The following SAMD12 variants were observed in gnomAD, a reference collection of about 807,000 sequenced individuals.
SAMD12 encodes sterile alpha motif domain-containing protein 12.
SAMD12 carries 9 observed loss-of-function variants against 15.0 expected under a neutral mutation model. The observed-to-expected ratio is 0.60, with a 90% confidence interval of 0.36 to 1.05. The LOEUF (loss-of-function observed/expected upper bound fraction) is 1.05, where lower values mean the gene tolerates loss of function less well. Ranked by LOEUF, SAMD12 falls within the 50% of genes least tolerant of loss-of-function variation. The pLI, the probability that SAMD12 is intolerant of heterozygous loss-of-function variation, is 0.01. For synonymous variants in SAMD12, 86 were observed against 90.1 expected, an observed-to-expected ratio of 0.96 and a Z score of 0.25; for missense variants, 230 against 234.2, an observed-to-expected ratio of 0.98 and a Z score of 0.12.
intron 4 of SAMD12, among the ~76,000 whole-genome samples, chr8:118,261,718 T>G (rs1013691164): frequency 2.0e-5 from 3 of 151,982 alleles, no homozygotes; most frequent in African/African-American, 7.3e-5. Flanking sequence ...TATAAAGTTT[T>G]TGAAATAGGT....
At chr8:118,521,505 T>G (rs769060866) in intron 2 of SAMD12, among the ~76,000 whole-genome samples, 3 of 152,234 alleles carry the variant, frequency 2.0e-5, no homozygotes, top group Non-Finnish European at 4.4e-5. Flanking sequence ...CGCTTTTACC[T>G]TTCACACTAC....
intron 3 of SAMD12, among the ~76,000 whole-genome samples, chr8:118,403,107 T>C (rs1388559666): frequency 5.9e-5 from 9 of 152,208 alleles, no homozygotes; most frequent in Non-Finnish European, 2.9e-5. Flanking sequence ...TTCACACAAA[T>C]AAGGCATCAC....
chr8:118,323,599 T>TA (rs33979536), intron 4 of SAMD12, among the ~76,000 whole-genome samples: 13 of 149,792 alleles, frequency 8.7e-5, no homozygotes, highest in East Asian at 5.9e-4. Flanking sequence ...ACATCTCTAC[T>TA]AAAAAAAAAA....
intron 4 of SAMD12, among the ~76,000 whole-genome samples, chr8:118,269,656 A>G (rs1364667071): frequency 6.6e-6 from 1 of 152,176 alleles, no homozygotes; most frequent in Admixed American, 6.5e-5. Flanking sequence ...CAATATGGAC[A>G]AGGATGCAAT....
intron 4 of SAMD12, among the ~76,000 whole-genome samples, chr8:118,221,374 T>C (rs1812078195): frequency 1.3e-5 from 2 of 152,098 alleles, no homozygotes; most frequent in Non-Finnish European, 2.9e-5. Flanking sequence ...GAGGGGTCAT[T>C]TCAGCTCAGC....
the SAMD12 span, among the ~76,000 whole-genome samples, chr8:118,135,725 T>C: frequency 6.6e-6 from 1 of 152,100 alleles, no homozygotes. Context: ...TAACTTTTTG[T>C]AGAGACAGGG....
Position 118,193,670 on chromosome 8 carries a change from G to A in SAMD12, c.*4040C>T, listed in dbSNP as rs889656123. The stretch of plus-strand genomic sequence containing the variant: ...GATCAAGCTTAAGAAGAAATATTAG[G>A]ACTGGGGAAAAAGGTAACAAATACA... On this transcript the variant is annotated 3_prime_UTR_variant, in exon 5 of 5. Coordinates refer to the SAMD12 transcript ENST00000409003. The A allele has an allele frequency of 2.6e-5, 4 of 152,102 alleles. 1 individual carries two copies. Among genetic ancestry groups the A allele is most frequent in the African/African-American group, 9.7e-5 (4 of 41,424 alleles). The allele number at this position is 152,102 out of a possible 1,614,324, so 9.4% of individuals were successfully genotyped here. A position where few individuals can be genotyped will look rare whatever the true frequency, so the allele number is the denominator to read the frequency against.
At chr8:118,173,303 G>A in the SAMD12 span, among the ~76,000 whole-genome samples, 4 of 152,002 alleles carry the variant, frequency 2.6e-5, no homozygotes, top group Non-Finnish European at 5.9e-5. Flanking sequence ...GCCTGCCGCT[G>A]TAATGGGCTG....
intron 4 of SAMD12, among the ~76,000 whole-genome samples, chr8:118,301,531 C>T (rs1815025410): frequency 6.6e-6 from 1 of 152,178 alleles, no homozygotes; most frequent in Admixed American, 6.5e-5. Context: ...GCTCTGAAAG[C>T]TGGAGGACTA....
At chr8:118,609,552 C>A (rs941823365) in intron 1 of SAMD12, among the ~76,000 whole-genome samples, 3 of 152,114 alleles carry the variant, frequency 2.0e-5, no homozygotes, top group African/African-American at 4.8e-5. Flanking sequence ...AGTGGAGAGT[C>A]CTGAAGAGTT....
At chr8:118,175,034 C>CAAACAAAAAAAAAAA in the SAMD12 span, among the ~76,000 whole-genome samples, 1 of 78,806 alleles carries the variant, frequency 1.3e-5, no homozygotes, top group Non-Finnish European at 3.0e-5. Flanking sequence ...CAAAAAAAAA[C>CAAACAAAAAAAAAAA]AAAAAAAAAA....
At chr8:118,227,392 G>A (rs1396873895) in intron 4 of SAMD12, among the ~76,000 whole-genome samples, 1 of 151,992 alleles carries the variant, frequency 6.6e-6, no homozygotes, top group African/African-American at 2.4e-5. Context: ...GGAGGGAAAG[G>A]AGCAGAAAAA....
chr8:118,343,792 A>G (rs1817493807), intron 4 of SAMD12, among the ~76,000 whole-genome samples: 1 of 152,200 alleles, frequency 6.6e-6, no homozygotes, highest in South Asian at 2.1e-4. Flanking sequence ...GGACTAGGTC[A>G]GGACTTCCAT....
At chr8:118,133,388 G>T in the SAMD12 span, among the ~76,000 whole-genome samples, 1 of 151,824 alleles carries the variant, frequency 6.6e-6, no homozygotes, top group African/African-American at 2.4e-5. Flanking sequence ...AGGATGTGCA[G>T]GTTTGTTACA....
rs111736393 is a variant in SAMD12, at chr8:118,322,115, A to C, written c.433+57445T>G. Among the ~76,000 whole-genome samples, 628 of 152,190 alleles carry C rather than the reference A, an allele frequency of 4.1e-3. 2 individuals are homozygous for C. Among genetic ancestry groups the C allele is most frequent in the Non-Finnish European group, 6.5e-3 (442 of 67,988 alleles). On this transcript the variant is annotated intron_variant, in intron 4 of 4. Transcript: ENST00000409003. ...ATGCCTTCTCAGAGGTGTCTCTGAA[A>C]TAGGCCTCCCACAATTACTCTTTCC...
intron 4 of SAMD12, among the ~76,000 whole-genome samples, chr8:118,221,672 T>TA (rs1812085337): frequency 6.6e-6 from 1 of 152,124 alleles, no homozygotes; most frequent in Non-Finnish European, 1.5e-5. Flanking sequence ...GGGTTTGGAT[T>TA]TTATCATGCA....
intron 4 of SAMD12, among the ~76,000 whole-genome samples, chr8:118,311,321 C>T (rs992103333): frequency 6.6e-6 from 1 of 152,260 alleles, no homozygotes; most frequent in Non-Finnish European, 1.5e-5. Flanking sequence ...GTGGCCAAAT[C>T]TAACCCACTA....
In SAMD12 at chr8:118,523,116, G is replaced by A. The variant is rs142070028; in HGVS notation, c.192+57599C>T. Among the ~76,000 whole-genome samples, 421 of 152,242 alleles carry A rather than the reference G, an allele frequency of 2.8e-3. 4 individuals are homozygous for A. The highest frequency in any genetic ancestry group is 9.6e-3 in the African/African-American group (399 of 41,548). ...TAGCTGGCCCAGTTGAACCAAAGGC[G>A]TGGCACAACATGTGTGCACTGTGAT... is the stretch of plus-strand genomic sequence containing the variant. On this transcript the variant is annotated intron_variant, in intron 2 of 3. Coordinates refer to ENST00000314727, the MANE Select transcript of SAMD12 (RefSeq NM_207506.3).
chr8:118,609,588 C>T (rs1828059340), intron 1 of SAMD12, among the ~76,000 whole-genome samples: 1 of 152,100 alleles, frequency 6.6e-6, no homozygotes, highest in South Asian at 2.1e-4. Context: ...TCTACCACTC[C>T]CTAGAACTAA....
Sources: gnomAD v4.1 joint callset for allele counts (sites outside exome capture counted in the v4.1 genomes callset) on GRCh38, gnomAD v4.1.1 for gene constraint, MANE v1.5 for transcripts, NCBI Gene and HGNC (gene_info 2026-07-23, HGNC 2026-07-21) for gene names.